Variants in ACYP2 observed in about 807,000 individuals in gnomAD.
ACYP2 encodes the protein acylphosphatase-2.
ACYP2 carries 12 observed loss-of-function variants against 11.2 expected under a neutral mutation model. That is an observed-to-expected ratio of 1.08 (90% CI 0.69 to 1.74). The LOEUF (loss-of-function observed/expected upper bound fraction) is 1.74, where lower values mean the gene tolerates loss of function less well. ACYP2 is among the 40% of genes most tolerant of loss of function. ACYP2 has a pLI of 0.00. For synonymous variants in ACYP2, 43 were observed against 32.2 expected, an observed-to-expected ratio of 1.33 and a Z score of -1.13; for missense variants, 134 against 101.9, an observed-to-expected ratio of 1.31 and a Z score of -1.35.
chr2:53,996,666 A>C (rs926262205), intron 2 of ACYP2, among the ~76,000 whole-genome samples: 1 of 152,124 alleles, frequency 6.6e-6, no homozygotes, highest in Non-Finnish European at 1.5e-5. Context: ...GCCATTAGCT[A>C]AGTGTATTCT....
At chr2:54,115,686 G>C (rs749662107) in intron 4 of ACYP2, 8 of 1,609,778 alleles carry the variant, frequency 5.0e-6, no homozygotes, top group Non-Finnish European at 6.8e-6. Context: ...TCAACAGAGG[G>C]CTCGCCGCCG....
intron 6 of ACYP2, among the ~76,000 whole-genome samples, chr2:54,198,871 GT>G (rs1478309859): frequency 6.6e-6 from 1 of 152,096 alleles, no homozygotes; most frequent in African/African-American, 2.4e-5. Flanking sequence ...AAGCTCAACT[GT>G]TTTATTTCAC....
At position 54,203,713 on chromosome 2, in the gene ACYP2, A is replaced by C. The variant is rs892687399; in HGVS notation, c.404+64965A>C. 2.6e-5 allele frequency among the ~76,000 whole-genome samples: 4 copies of C among 151,922 alleles called. No homozygotes were observed. In the East Asian group the frequency reaches 5.8e-4, roughly 22 times the overall value. On this transcript the variant is annotated intron_variant, in intron 6 of 6. Coordinates refer to ENST00000607452, the MANE Select transcript of ACYP2 (RefSeq NM_001320586.2). The stretch of plus-strand genomic sequence containing the variant: ...TTTTTCTGCATCTGTTAAATTGGCC[A>C]GTTGGTTTGTTTTTCCTTTTTCTAC...
chr2:54,003,507 A>G (rs1573493521), intron 2 of ACYP2, among the ~76,000 whole-genome samples: 1 of 147,540 alleles, frequency 6.8e-6, no homozygotes, highest in African/African-American at 2.5e-5. Context: ...TGATCCGCCC[A>G]CCTCGGCCTC....
intron 4 of ACYP2, among the ~76,000 whole-genome samples, chr2:54,078,742 G>C (rs1459828181): frequency 6.6e-6 from 1 of 151,892 alleles, no homozygotes; most frequent in Admixed American, 6.6e-5. Flanking sequence ...TGGATTACAG[G>C]CATGTGCCAC....
chr2:54,155,564 G>A (rs892258681), intron 6 of ACYP2, among the ~76,000 whole-genome samples: 2 of 152,124 alleles, frequency 1.3e-5, no homozygotes, highest in South Asian at 2.1e-4. Flanking sequence ...CTGCGCATGC[G>A]AGGGATACAG....
chr2:53,986,184 C>G (rs1300725968), intron 2 of ACYP2, among the ~76,000 whole-genome samples: 5 of 151,910 alleles, frequency 3.3e-5, no homozygotes, highest in Non-Finnish European at 5.9e-5. Context: ...GGCACCTTCC[C>G]TCTTTCTGTT....
intron 2 of ACYP2, among the ~76,000 whole-genome samples, chr2:54,021,077 T>G (rs1673984944): frequency 6.6e-6 from 1 of 152,194 alleles, no homozygotes; most frequent in Non-Finnish European, 1.5e-5. Context: ...TAGCCCCTAC[T>G]GCTGTGTTGT....
rs1163844895 is a variant in ACYP2, at chr2:54,165,535, T to TCACACACA, written c.404+26818_404+26825dup. Among the ~76,000 whole-genome samples the TCACACACA allele has an allele frequency of 3.0e-3, 390 of 128,952 alleles. 1 individual carries two copies. Among genetic ancestry groups the TCACACACA allele is most frequent in the African/African-American group, 7.1e-3 (236 of 33,064 alleles). 84.6% of individuals were successfully genotyped at this position (128,952 alleles called of 152,430 possible). ...CTTTCACTCTCTCTCTCTCTCTCTC[T>TCACACACA]CACACACACACACACACACACACAC... On this transcript the variant is annotated intron_variant, in intron 6 of 6. Transcript: ENST00000607452.
chr2:54,115,896 G>A (rs1033672581), intron 4 of ACYP2, 140 bp downstream of exon 1: 26 of 1,172,210 alleles, frequency 2.2e-5, no homozygotes, highest in Non-Finnish European at 2.5e-5. Flanking sequence ...AGCAGCGGCG[G>A]CGGGGAGGGA....
chr2:54,078,376 A>G (rs1362323189), intron 4 of ACYP2, among the ~76,000 whole-genome samples: 3 of 149,826 alleles, frequency 2.0e-5, no homozygotes, highest in Non-Finnish European at 3.0e-5. Context: ...TAGCTTCCAT[A>G]TATACATATA....
At chr2:54,022,953 C>T (rs1023612013) in intron 2 of ACYP2, among the ~76,000 whole-genome samples, 2 of 152,176 alleles carry the variant, frequency 1.3e-5, no homozygotes, top group African/African-American at 2.4e-5. Context: ...TTAAAACACA[C>T]AGGTTTAACT....
chr2:54,244,645 G>A (rs147708358), intron 6 of ACYP2, among the ~76,000 whole-genome samples: 82 of 152,206 alleles, frequency 5.4e-4, no homozygotes, highest in African/African-American at 1.8e-3. Flanking sequence ...TTCAACTATT[G>A]TAGCTTTATA....
intron 4 of ACYP2, among the ~76,000 whole-genome samples, chr2:54,062,576 G>T (rs1202551440): frequency 6.6e-6 from 1 of 152,154 alleles, no homozygotes; most frequent in African/African-American, 2.4e-5. Context: ...ATGGCATCAT[G>T]CCTGTTTCAA....
chr2:54,204,187 C>A (rs1048570516), intron 6 of ACYP2, among the ~76,000 whole-genome samples: 7 of 151,918 alleles, frequency 4.6e-5, no homozygotes, highest in Admixed American at 3.3e-4. Context: ...TTAGTAGAGA[C>A]GGAATTTCAC....
chr2:54,124,424 G>C (rs186607924), intron 4 of ACYP2, among the ~76,000 whole-genome samples: 4 of 152,090 alleles, frequency 2.6e-5, no homozygotes, highest in Admixed American at 2.0e-4. Flanking sequence ...TTGAACTCCC[G>C]ATCTCAGGTG....
intron 6 of ACYP2, among the ~76,000 whole-genome samples, chr2:54,207,911 G>C (rs1685151061): frequency 6.6e-6 from 1 of 152,144 alleles, no homozygotes. Context: ...ACTTAGAAGA[G>C]CGGCCAAAAT....
At chr2:53,974,601 A>C (rs1227506261) in intron 2 of ACYP2, among the ~76,000 whole-genome samples, 4 of 152,234 alleles carry the variant, frequency 2.6e-5, no homozygotes, top group Admixed American at 6.5e-5. Flanking sequence ...ACTATTATCT[A>C]TCTGCACAAT....
intron 6 of ACYP2, among the ~76,000 whole-genome samples, chr2:54,257,936 C>T (rs952823041): frequency 3.3e-5 from 5 of 152,134 alleles, no homozygotes; most frequent in African/African-American, 4.8e-5. Context: ...GATTTTGAGG[C>T]GACTGCTACC....
Sources: allele counts gnomAD v4.1 joint callset (sites outside exome capture counted in the v4.1 genomes callset), GRCh38; gene constraint gnomAD v4.1.1; transcripts MANE v1.5; gene names NCBI Gene and HGNC (gene_info 2026-07-23, HGNC 2026-07-21).